Variants in CDH2 observed in about 807,000 individuals in gnomAD.
The protein encoded by CDH2 is cadherin-2.
In CDH2, 17 loss-of-function variants were observed where a neutral mutation model predicts 92.0. The observed-to-expected ratio is 0.18, with a 90% CI of 0.13 to 0.28. CDH2 has a LOEUF of 0.28. Among genes scored for constraint, CDH2 ranks in the 10% least tolerant of loss-of-function variants. The pLI is 1.00. For synonymous variants in CDH2, 419 were observed against 415.9 expected, an observed-to-expected ratio of 1.01 and a Z score of -0.09; for missense variants, 862 against 1,133.1, an observed-to-expected ratio of 0.76 and a Z score of 3.44.
intron 5 of CDH2, 26 bp from the exon 6 acceptor site, chr18:28,006,019 A>G (rs771998081): frequency 1.9e-6 from 3 of 1,566,366 alleles, no homozygotes; most frequent in Non-Finnish European, 2.6e-6. Flanking sequence ...GAAAACAACT[A>G]TTTAACAGAT....
chr18:28,032,171 G>A (rs2013713829), intron 2 of CDH2, among the ~76,000 whole-genome samples: 1 of 152,044 alleles, frequency 6.6e-6, no homozygotes, highest in South Asian at 2.1e-4. Context: ...AACAGCGCTG[G>A]AATTTCTTGC....
At chr18:27,957,368 G>A (rs1477332754) in intron 15 of CDH2, among the ~76,000 whole-genome samples, 3 of 152,040 alleles carry the variant, frequency 2.0e-5, no homozygotes, top group African/African-American at 7.2e-5. Flanking sequence ...TCCCACCTCA[G>A]CCTCCAGAGT....
intron 2 of CDH2, among the ~76,000 whole-genome samples, chr18:28,093,952 C>T (rs1177705886): frequency 6.6e-6 from 1 of 152,152 alleles, no homozygotes; most frequent in Non-Finnish European, 1.5e-5. Context: ...CAGAGGTGGT[C>T]CTCAAATTCG....
At chr18:28,079,834 C>T (rs1322500851) in intron 2 of CDH2, among the ~76,000 whole-genome samples, 11 of 152,116 alleles carry the variant, frequency 7.2e-5, no homozygotes, top group Admixed American at 5.2e-4. Context: ...CCTCAGAAAA[C>T]GTGTCATGTG....
intron 2 of CDH2, among the ~76,000 whole-genome samples, chr18:28,071,360 G>A (rs2144168200): frequency 6.6e-6 from 1 of 152,178 alleles, no homozygotes. Flanking sequence ...TAGTCAGAAG[G>A]TCACTCTCTG....
chr18:27,974,448 C>A (rs953601409), intron 14 of CDH2, among the ~76,000 whole-genome samples: 2 of 152,162 alleles, frequency 1.3e-5, no homozygotes, highest in African/African-American at 4.8e-5. Context: ...GAATATTTTC[C>A]ATTTTTAATT....
chr18:28,067,637 T>C (rs904743728), intron 2 of CDH2, among the ~76,000 whole-genome samples: 5 of 152,196 alleles, frequency 3.3e-5, no homozygotes, highest in African/African-American at 1.2e-4. Flanking sequence ...CATTAGCTGA[T>C]GGGCATTTGG....
intron 14 of CDH2, among the ~76,000 whole-genome samples, chr18:27,970,164 A>T (rs1324037660): frequency 6.6e-6 from 1 of 152,208 alleles, no homozygotes; most frequent in Non-Finnish European, 1.5e-5. Flanking sequence ...GAGCACTGGA[A>T]ATATGAAATA....
chr18:28,030,646 T>G (rs571219742), intron 2 of CDH2, among the ~76,000 whole-genome samples: 1 of 151,928 alleles, frequency 6.6e-6, no homozygotes, highest in East Asian at 1.9e-4. Context: ...AACATGAAGG[T>G]GACAGGAAGC....
At chr18:28,024,509 G>A (rs1357457014) in intron 2 of CDH2, among the ~76,000 whole-genome samples, 2 of 150,360 alleles carry the variant, frequency 1.3e-5, no homozygotes, top group African/African-American at 4.9e-5. Flanking sequence ...CATTTTAAAT[G>A]CTTTAAAATA....
intron 2 of CDH2, among the ~76,000 whole-genome samples, chr18:28,044,077 T>C (rs1189927262): frequency 1.3e-4 from 19 of 151,876 alleles, no homozygotes; most frequent in Admixed American, 1.2e-3. Flanking sequence ...CACGCCCAGC[T>C]GATTTTTATA....
chr18:28,020,946 G>A (rs1451223846), intron 2 of CDH2, among the ~76,000 whole-genome samples: 1 of 151,848 alleles, frequency 6.6e-6, no homozygotes, highest in Admixed American at 6.6e-5. Context: ...ATATAAAACT[G>A]GTCCAAGAAG....
At chr18:28,024,715 T>C (rs149079323) in intron 2 of CDH2, among the ~76,000 whole-genome samples, 28 of 151,882 alleles carry the variant, frequency 1.8e-4, no homozygotes, top group African/African-American at 6.5e-4. Context: ...TCAACTAATT[T>C]AATTGAAAGG....
intron 14 of CDH2, among the ~76,000 whole-genome samples, chr18:27,973,592 C>T (rs1376242433): frequency 2.6e-5 from 4 of 152,180 alleles, no homozygotes; most frequent in Non-Finnish European, 5.9e-5. Context: ...CAGAACAGTG[C>T]AACCCATTGT....
At chr18:28,137,087 T>C (rs1284487449) in intron 2 of CDH2, among the ~76,000 whole-genome samples, 3 of 152,156 alleles carry the variant, frequency 2.0e-5, no homozygotes, top group East Asian at 3.8e-4. Flanking sequence ...CAGAATAAGG[T>C]AGCAGTCAAT....
chr18:27,965,915 G>A (rs2011521493), intron 14 of CDH2, among the ~76,000 whole-genome samples: 2 of 149,248 alleles, frequency 1.3e-5, no homozygotes, highest in Middle Eastern at 3.2e-3. Context: ...TTGAACTCGG[G>A]AGGTGAAAGT....
intron 12 of CDH2, 143 bp downstream of exon 12, chr18:27,985,385 G>C (rs758005031): frequency 1.0e-5 from 8 of 786,800 alleles, no homozygotes; most frequent in African/African-American, 1.8e-5. Context: ...GGCCGTAAAG[G>C]CCTTTAATAT....
At chr18:28,057,728 T>C (rs1047581877) in intron 2 of CDH2, among the ~76,000 whole-genome samples, 1 of 152,066 alleles carries the variant, frequency 6.6e-6, no homozygotes, top group Non-Finnish European at 1.5e-5. Context: ...TTACCTATGA[T>C]AACTTATTTA....
intron 2 of CDH2, among the ~76,000 whole-genome samples, chr18:28,099,250 A>G (rs2015188607): frequency 1.3e-5 from 2 of 152,158 alleles, no homozygotes; most frequent in Non-Finnish European, 2.9e-5. Context: ...ACTATCTTAC[A>G]CTGTTAAATA....
Sources: allele counts gnomAD v4.1 joint callset (sites outside exome capture counted in the v4.1 genomes callset), GRCh38; gene constraint gnomAD v4.1.1; transcripts MANE v1.5; gene names NCBI Gene and HGNC (gene_info 2026-07-23, HGNC 2026-07-21).